Variants in SCAPER observed in about 807,000 individuals in gnomAD.
SCAPER encodes the protein S-phase cyclin A associated protein in the ER.
Under a neutral mutation model 182.2 loss-of-function variants are expected in SCAPER, and 98 were observed. The observed-to-expected ratio is 0.54, with a 90% CI of 0.46 to 0.64. The LOEUF is 0.64. Among genes scored for constraint, SCAPER ranks in the 30% least tolerant of loss-of-function variants. The pLI is 0.00. For synonymous variants in SCAPER, 605 were observed against 564.6 expected, an observed-to-expected ratio of 1.07 and a Z score of -1.01; for missense variants, 1,432 against 1,690.0, an observed-to-expected ratio of 0.85 and a Z score of 2.68.
intron 14 of SCAPER, 74 bp from the exon 15 acceptor site, chr15:76,754,022 G>C (rs1197176547): frequency 1.4e-5 from 20 of 1,476,676 alleles, no homozygotes; most frequent in Non-Finnish European, 1.8e-5. Flanking sequence ...ACAAGTAAAT[G>C]GCTTATGAAA....
At chr15:76,885,238 T>C (rs2073777893) in intron 1 of SCAPER, among the ~76,000 whole-genome samples, 2 of 152,192 alleles carry the variant, frequency 1.3e-5, no homozygotes, top group South Asian at 2.1e-4. Context: ...CCTCTCTCCA[T>C]CTCACTCGGA....
chr15:76,448,079 T>C (rs887235120), intron 25 of SCAPER, among the ~76,000 whole-genome samples: 1 of 152,144 alleles, frequency 6.6e-6, no homozygotes, highest in Non-Finnish European at 1.5e-5. Flanking sequence ...TGGAGATAGT[T>C]GGACTAGTGG....
chr15:76,665,868 A>T, intron 20 of SCAPER, 79 bp from the exon 21 acceptor site: 1 of 1,191,404 alleles, frequency 8.4e-7, no homozygotes, highest in Non-Finnish European at 1.1e-6. Context: ...GACTACAGTG[A>T]GTTTAAGACA....
At chr15:76,899,871 A>G (rs561417390) in intron 1 of SCAPER, among the ~76,000 whole-genome samples, 235 of 152,366 alleles carry the variant, frequency 1.5e-3, no homozygotes, top group Middle Eastern at 6.8e-3. Context: ...AGAACGGGCC[A>G]TGATGACGAT....
chr15:76,831,042 T>C (rs2068428077), intron 5 of SCAPER, among the ~76,000 whole-genome samples: 1 of 152,042 alleles, frequency 6.6e-6, no homozygotes, highest in East Asian at 1.9e-4. Flanking sequence ...TCCACAGGCA[T>C]TTGAGATGGC....
intron 27 of SCAPER, 90 bp from the exon 28 acceptor site, chr15:76,381,705 G>T: frequency 9.7e-7 from 1 of 1,033,412 alleles, no homozygotes; most frequent in Non-Finnish European, 1.4e-6. Context: ...CAAGCAGACC[G>T]TTAAAAACAA....
intron 20 of SCAPER, among the ~76,000 whole-genome samples, chr15:76,700,374 A>T (rs2058872388): frequency 6.6e-6 from 1 of 152,106 alleles, no homozygotes; most frequent in African/African-American, 2.4e-5. Context: ...TGACAGCTCA[A>T]ATGTCCGTGG....
In SCAPER at chr15:76,487,456, A is replaced by G. The variant is rs146637815; in HGVS notation, c.2955-16121T>C. Among the ~76,000 whole-genome samples the G allele has an allele frequency of 5.4e-3, 818 of 152,332 alleles. 6 individuals are homozygous for G. Among genetic ancestry groups the G allele is most frequent in the African/African-American group, 0.019 (792 of 41,570 alleles). ...GATACTAAAATGTTAGATACACAAC[A>G]TTATGCATTTGTCAACCCCACAGAA... On this transcript the variant is annotated intron_variant, in intron 24 of 31. Coordinates refer to ENST00000563290, the MANE Select transcript of SCAPER (RefSeq NM_020843.4).
At chr15:76,766,021 C>A (rs1219122310) in intron 11 of SCAPER, among the ~76,000 whole-genome samples, 2 of 152,002 alleles carry the variant, frequency 1.3e-5, no homozygotes, top group Non-Finnish European at 2.9e-5. Flanking sequence ...TTAACAAATT[C>A]CCATCATTAA....
intron 9 of SCAPER, among the ~76,000 whole-genome samples, chr15:76,773,501 T>C (rs1268234202): frequency 6.6e-6 from 1 of 152,012 alleles, no homozygotes; most frequent in Non-Finnish European, 1.5e-5. Flanking sequence ...GTATCTCTAA[T>C]GCAGCTTACA....
chr15:76,471,858 T>C (rs2050203819), intron 24 of SCAPER, among the ~76,000 whole-genome samples: 1 of 152,138 alleles, frequency 6.6e-6, no homozygotes, highest in Non-Finnish European at 1.5e-5. Context: ...GATGAGTGCC[T>C]GAGCAGATGA....
intron 25 of SCAPER, among the ~76,000 whole-genome samples, chr15:76,447,242 C>T (rs1235110224): frequency 2.6e-5 from 4 of 152,200 alleles, no homozygotes; most frequent in Admixed American, 2.0e-4. Context: ...GTAATCCATG[C>T]TTCTTTTCCT....
At chr15:76,415,472 G>C (rs1181941925) in intron 26 of SCAPER, among the ~76,000 whole-genome samples, 3 of 151,996 alleles carry the variant, frequency 2.0e-5, no homozygotes, top group Non-Finnish European at 4.4e-5. Flanking sequence ...ATTGCCCTGA[G>C]GTGGAAAATG....
intron 27 of SCAPER, 77 bp downstream of exon 27, chr15:76,404,447 A>T: frequency 7.1e-7 from 1 of 1,416,604 alleles, no homozygotes; most frequent in Non-Finnish European, 9.5e-7. Flanking sequence ...AATTCCTATG[A>T]AATGACCCTA....
chr15:76,565,602 ACTAT>A (rs2046979752), intron 23 of SCAPER, among the ~76,000 whole-genome samples: 3 of 152,170 alleles, frequency 2.0e-5, no homozygotes, highest in African/African-American at 7.2e-5. Flanking sequence ...ACTGCTCACA[ACTAT>A]CTAAGCACCA....
intron 28 of SCAPER, among the ~76,000 whole-genome samples, chr15:76,377,750 C>A (rs1304284019): frequency 6.6e-6 from 1 of 152,200 alleles, no homozygotes; most frequent in African/African-American, 2.4e-5. Context: ...GGAAAATAAT[C>A]TAATGGATAA....
chr15:76,426,706 A>T (rs2046459725), intron 26 of SCAPER, among the ~76,000 whole-genome samples: 1 of 151,846 alleles, frequency 6.6e-6, no homozygotes, highest in South Asian at 2.1e-4. Context: ...ACACACAAAA[A>T]AAACAATCCT....
intron 15 of SCAPER, among the ~76,000 whole-genome samples, chr15:76,740,613 C>T (rs2061491849): frequency 6.6e-6 from 1 of 152,018 alleles, no homozygotes; most frequent in Non-Finnish European, 1.5e-5. Context: ...AATATGATCT[C>T]AAACCAACAT....
At chr15:76,579,198 G>A (rs1333284374) in intron 22 of SCAPER, among the ~76,000 whole-genome samples, 15 of 139,172 alleles carry the variant, frequency 1.1e-4, no homozygotes, top group Non-Finnish European at 3.0e-5. Context: ...CCTGGGAGGC[G>A]GAGCTTGCAG....
Sources: gnomAD v4.1 joint callset for allele counts (sites outside exome capture counted in the v4.1 genomes callset) on GRCh38, gnomAD v4.1.1 for gene constraint, MANE v1.5 for transcripts, NCBI Gene and HGNC (gene_info 2026-07-23, HGNC 2026-07-21) for gene names.